PLCG1: variants seen among roughly 807,000 people sequenced by gnomAD.
The protein encoded by PLCG1 is phospholipase C gamma 1.
In PLCG1, 71 loss-of-function variants were observed where a neutral mutation model predicts 177.8. The ratio of observed to expected loss-of-function variants is 0.40; its 90% confidence interval spans 0.33 to 0.49. The LOEUF (loss-of-function observed/expected upper bound fraction) is 0.49, where lower values mean the gene tolerates loss of function less well. Among genes scored for constraint, PLCG1 ranks in the 20% least tolerant of loss-of-function variants. PLCG1 has a pLI of 0.72. For synonymous variants in PLCG1, 658 were observed against 647.9 expected, an observed-to-expected ratio of 1.02 and a Z score of -0.24; for missense variants, 1,281 against 1,709.0, an observed-to-expected ratio of 0.75 and a Z score of 4.42.
rs1056775001 is a variant in PLCG1 at position 41,148,503 on chromosome 20, G to A, written c.217+10645G>A. On this transcript the variant is annotated intron_variant, in intron 1 of 31. Coordinates refer to ENST00000685551, the MANE Select transcript of PLCG1 (RefSeq NM_002660.3). This position sits in a 1 kb window ranked among gnomAD's most constrained non-coding sequence, Gnocchi z 4.3. ...AGACAGGGCAGCAGAGAGAGACTTGGAGATATGCTGGGCTGTGGTCAGGAG... is the reference window on the plus strand; with the variant it reads ...AGACAGGGCAGCAGAGAGAGACTTGAAGATATGCTGGGCTGTGGTCAGGAG... 3.3e-5 allele frequency among the ~76,000 whole-genome samples: 5 copies of A among 152,050 alleles called. No homozygotes were observed. Among genetic ancestry groups the A allele is most frequent in the African/African-American group, 1.2e-4 (5 of 41,376 alleles).
At position 41,173,981 on chromosome 20, in the gene PLCG1, G is replaced by C. The variant is rs897774355; in HGVS notation, c.3615G>C (p.Leu1205=). The C allele has an allele frequency of 1.9e-6, 3 of 1,614,148 alleles. No homozygotes were observed. Among genetic ancestry groups the C allele is most frequent in the Non-Finnish European group, 2.5e-6 (3 of 1,180,010 alleles). ...GTGAGGACCTGGAGTTGGCCTCCCT[G>C]CTGATCAAGATTGACATTTTCCCTG... ...NYSEDLELAS[L]LIKIDIFPAK... The change falls in exon 30 of 32, where the codon CTG becomes CTC. Residue 1205 remains leucine, a synonymous_variant. Transcript: ENST00000685551. This position sits in a 1 kb window ranked among gnomAD's most constrained non-coding sequence, Gnocchi z 6.2.
chr20:41,150,140 TG>T lies in PLCG1; in HGVS notation c.218-9465del, dbSNP rs1440833960. Among the ~76,000 whole-genome samples, 1 of 152,066 alleles carries T rather than the reference TG, an allele frequency of 6.6e-6. No individual in the cohort carries two copies. The highest frequency in any genetic ancestry group is 1.9e-4 in the East Asian group (1 of 5,174). ...GGGAGGTAGAGGCTACAGTGAGCCC[TG>T]TTGGTGCCACTGCACTCCAGCCTGG... On this transcript the variant is annotated intron_variant, in intron 1 of 31. Coordinates refer to ENST00000685551, the MANE Select transcript of PLCG1 (RefSeq NM_002660.3). This position sits in a 1 kb window ranked among gnomAD's most constrained non-coding sequence, Gnocchi z 4.0.
Position 41,160,257 on chromosome 20 carries a change from A to G in PLCG1, c.512+104A>G, listed in dbSNP as rs1400659379. 1.3e-5 allele frequency: 13 copies of G among 1,038,750 alleles called. 1 individual carries two copies. The Admixed American group carries it at 2.3e-4, about 18-fold the overall frequency. The allele number at this position is 1,038,750 out of a possible 1,614,324, so 64.3% of individuals were successfully genotyped here. Reference sequence around the variant, plus strand: ...CCCGGAGAGCCAGAGGACCCAGGGGACCTTAAGTGGGGCCAGGAGGGTGGG... The same window carrying G: ...CCCGGAGAGCCAGAGGACCCAGGGGGCCTTAAGTGGGGCCAGGAGGGTGGG... On this transcript the variant is annotated intron_variant, in intron 4 of 31. Transcript: ENST00000685551. This position sits in a 1 kb window ranked among gnomAD's most constrained non-coding sequence, Gnocchi z 5.5.
rs1254860124 is a variant in PLCG1, at chr20:41,147,822, T to C, written c.217+9964T>C. 1.3e-5 allele frequency among the ~76,000 whole-genome samples: 2 copies of C among 151,556 alleles called. No homozygotes were observed. Among genetic ancestry groups the C allele is most frequent in the African/African-American group, 4.9e-5 (2 of 41,216 alleles). ...AAGATCGCGCCATTGCACTCCAGCC[T>C]GGGTGACAGAGCAAGACTCTGTCTC... On this transcript the variant is annotated intron_variant, in intron 1 of 31. Transcript: ENST00000685551. This position sits in a 1 kb window ranked among gnomAD's most constrained non-coding sequence, Gnocchi z 4.0.
rs1184010283 is a variant in PLCG1 at position 41,172,692 on chromosome 20, A to C, written c.3131-37A>C. The C allele has an allele frequency of 1.9e-6, 3 of 1,612,916 alleles. No homozygotes were observed. The Admixed American group carries it at 5.0e-5, about 27-fold the overall frequency. On this transcript the variant is annotated intron_variant, in intron 26 of 31. Transcript: ENST00000685551. This position sits in a 1 kb window ranked among gnomAD's most constrained non-coding sequence, Gnocchi z 7.0. ...AGGGTGAGGAGGGGCACTGTGGGGC[A>C]GCTGGACTGGAATACACCATAATCT...
In PLCG1 at chr20:41,165,568, G is replaced by A; in HGVS notation, c.1611+17G>A. The A allele has an allele frequency of 6.2e-7, 1 of 1,612,152 alleles. No homozygotes were observed. On this transcript the variant is annotated intron_variant, in intron 15 of 31. Coordinates refer to ENST00000685551, the MANE Select transcript of PLCG1 (RefSeq NM_002660.3). The surrounding 1 kb of genome is among the most constrained non-coding windows in gnomAD (Gnocchi z 6.6). ...CCCAAGGAGGTGAGGAACCAGCTCA[G>A]GTCTGGGGGCTGGGCCAGGTCAGGC...
At position 41,172,315 on chromosome 20, in the gene PLCG1, G is replaced by T. The variant is rs780896391; in HGVS notation, c.2905+26G>T. The T allele has an allele frequency of 2.5e-6, 4 of 1,591,672 alleles. No homozygotes were observed. The highest frequency in any genetic ancestry group is 3.4e-6 in the Non-Finnish European group (4 of 1,159,424). On this transcript the variant is annotated intron_variant, in intron 25 of 31. Coordinates refer to ENST00000685551, the MANE Select transcript of PLCG1 (RefSeq NM_002660.3). This position sits in a 1 kb window ranked among gnomAD's most constrained non-coding sequence, Gnocchi z 7.0. ...GTAAGGGCCAGGGCCCAGGCGGGGT[G>T]TGCATGTGCCTGGAGGGCCTGGTGG... is the stretch of plus-strand genomic sequence containing the variant.
In PLCG1 at chr20:41,139,882, A is replaced by C. The variant is rs35483314; in HGVS notation, c.217+2024A>C. ...GCAGGAAACAGTTTTGTTTTGCCCC[A>C]ACCCATGTGCCCACTCACCCACCCA... is the stretch of plus-strand genomic sequence containing the variant. On this transcript the variant is annotated intron_variant, in intron 1 of 31. Transcript: ENST00000685551. Among the ~76,000 whole-genome samples the C allele has an allele frequency of 5.5e-4, 84 of 152,318 alleles. 1 individual carries two copies. The East Asian group carries it at 9.4e-3, about 17-fold the overall frequency.
In PLCG1 at chr20:41,173,896, T is replaced by C. The variant is rs772643477; in HGVS notation, c.3557-27T>C. ...GCCCCTTGCTCTGTCCCTCGTGGGC[T>C]GAGGGCCAGGCTTTTCCTCCTCCTA... On this transcript the variant is annotated intron_variant, in intron 29 of 31. Coordinates refer to ENST00000685551, the MANE Select transcript of PLCG1 (RefSeq NM_002660.3). This position sits in a 1 kb window ranked among gnomAD's most constrained non-coding sequence, Gnocchi z 6.2. 1.2e-6 allele frequency: 2 copies of C among 1,611,018 alleles called. No individual in the cohort carries two copies. The highest frequency in any genetic ancestry group is 1.7e-6 in the Non-Finnish European group (2 of 1,177,178).
At position 41,163,732 on chromosome 20, in the gene PLCG1, C is replaced by T; in HGVS notation, c.909C>T (p.Phe303=). The change falls in exon 10 of 32, where the codon TTC becomes TTT. Residue 303 remains phenylalanine (F), a synonymous_variant. Coordinates refer to ENST00000685551, the MANE Select transcript of PLCG1 (RefSeq NM_002660.3). The surrounding 1 kb of genome is among the most constrained non-coding windows in gnomAD (Gnocchi z 5.2). Reference sequence around the variant, plus strand: ...CTGGACAGTTTGTCACCTTCCTGTTCTCCAAAGAGAACAGTGTGTGGAACT... The same window carrying T: ...CTGGACAGTTTGTCACCTTCCTGTTTTCCAAAGAGAACAGTGTGTGGAACT... ...FFLDEFVTFL[F]SKENSVWNSQ... The T allele has an allele frequency of 6.2e-7, 1 of 1,611,040 alleles. No homozygotes were observed. Among genetic ancestry groups the T allele is most frequent in the Non-Finnish European group, 8.5e-7 (1 of 1,177,186 alleles).
intron 1 of PLCG1, among the ~76,000 whole-genome samples, chr20:41,152,282 G>A (rs1239752093): frequency 1.3e-5 from 2 of 152,234 alleles, no homozygotes; most frequent in Admixed American, 1.3e-4. Context: ...CCAGCAGGGC[G>A]TGGGTGCTCG....
chr20:41,170,773 T>C (rs1474711761), intron 24 of PLCG1: 2 of 153,330 alleles, frequency 1.3e-5, no homozygotes, highest in East Asian at 3.9e-4. Flanking sequence ...CGATAAGAAC[T>C]TGCAAGTGCC....
Position 41,174,265 on chromosome 20 carries a change from A to G in PLCG1, c.3787A>G (p.Ile1263Val). 1 of 1,614,218 alleles carries G rather than the reference A, an allele frequency of 6.2e-7. No individual in the cohort carries two copies. Among genetic ancestry groups the G allele is most frequent in the Non-Finnish European group, 8.5e-7 (1 of 1,180,042 alleles). Residue 1263 changes from isoleucine (I) to valine (V), a missense_variant, in exon 31 of 32, where the codon ATC becomes GTC. By Grantham distance (29) the Ile-to-Val change is conservative. This residue lies in a region of PLCG1 where 153 missense variants were observed against 153.2 expected (regional missense o/e 1.00). Coordinates refer to ENST00000685551, the MANE Select transcript of PLCG1 (RefSeq NM_002660.3). This position sits in a 1 kb window ranked among gnomAD's most constrained non-coding sequence, Gnocchi z 5.8. Reference sequence around the variant, plus strand: ...CCAGCAGCCGTTTGAGGACTTCCGCATCTCCCAGGAGCATCTCGCAGACCA... The same window carrying G: ...CCAGCAGCCGTTTGAGGACTTCCGCGTCTCCCAGGAGCATCTCGCAGACCA... ...RYQQPFEDFR[I>V]SQEHLADHFD...
Position 41,162,670 on chromosome 20 carries a change from C to G in PLCG1, c.626C>G (p.Thr209Ser). Residue 209 changes from threonine to serine, a missense_variant, in exon 6 of 32, where the codon ACC (threonine) becomes AGC (serine). Around this residue, in one of 4 missense-constraint regions of PLCG1, gnomAD observed 374 missense variants for 443.8 expected, o/e 0.84. Transcript: ENST00000685551. ...CTGGAGCAGCGCAGCGGGGACATCA[C>G]CTACGGGCAGTTTGCTCAGCTGTAC... is the stretch of plus-strand genomic sequence containing the variant. ...TDLEQRSGDI[T>S]YGQFAQLYRS... 1 of 1,614,030 alleles carries G rather than the reference C, an allele frequency of 6.2e-7. No homozygotes were observed. Among genetic ancestry groups the G allele is most frequent in the Non-Finnish European group, 8.5e-7 (1 of 1,179,972 alleles).
intron 1 of PLCG1, among the ~76,000 whole-genome samples, chr20:41,138,422 G>A (rs2034686514): frequency 6.6e-6 from 1 of 152,170 alleles, no homozygotes; most frequent in Admixed American, 6.5e-5. Context: ...CTGGGGGAGA[G>A]GGAGGAAGGT....
In PLCG1 at chr20:41,167,648, A is replaced by G. The variant is rs1014796820; in HGVS notation, c.2302-204A>G. The G allele has an allele frequency of 1.7e-6, 1 of 582,200 alleles. No individual in the cohort carries two copies. 36.1% of individuals were successfully genotyped at this position (582,200 alleles called of 1,614,324 possible). A position where few individuals can be genotyped will look rare whatever the true frequency, so the allele number is the denominator to read the frequency against. On this transcript the variant is annotated intron_variant, in intron 19 of 31. Coordinates refer to ENST00000685551, the MANE Select transcript of PLCG1 (RefSeq NM_002660.3). The surrounding 1 kb of genome is among the most constrained non-coding windows in gnomAD (Gnocchi z 4.4). ...TTTAGAATCCTGGGCTGGGCCTTAC[A>G]TGTAAGAATGTGAAGAAAGGAAAGG...
Position 41,176,128 on chromosome 20 carries a change from CA to C in PLCG1, c.*1620del, listed in dbSNP as rs2036059512. The C allele has an allele frequency of 6.6e-6, 1 of 152,174 alleles. No homozygotes were observed. The highest frequency in any genetic ancestry group is 1.5e-5 in the Non-Finnish European group (1 of 68,036). The allele number at this position is 152,174 out of a possible 1,614,324, so 9.4% of individuals were successfully genotyped here. ...CTGAAATCTCTGGGCCCTTTCAACA[CA>C]GTTGAAAGGCCCTTCTCTTCCTGAA... On this transcript the variant is annotated 3_prime_UTR_variant, in exon 32 of 32. Transcript: ENST00000685551.
In PLCG1 at chr20:41,163,437, C is replaced by T. The variant is rs140259773; in HGVS notation, c.849C>T (p.Asp283=). ...AGTTCATGCTCAGCTTCCTCCGAGA[C>T]CCCTTACGAGAGATCGAGGAGCCAT... The part of the protein sequence containing the change: ...VQEFMLSFLR[D]PLREIEEPYF... Residue 283 remains aspartate, a synonymous_variant, in exon 9 of 32, where the codon GAC becomes GAT. Transcript: ENST00000685551. This position sits in a 1 kb window ranked among gnomAD's most constrained non-coding sequence, Gnocchi z 5.2. The T allele has an allele frequency of 6.8e-6, 11 of 1,612,736 alleles. No individual in the cohort carries two copies. Among genetic ancestry groups the T allele is most frequent in the Non-Finnish European group, 8.5e-6 (10 of 1,179,482 alleles).
At chr20:41,152,633 A>G (rs2035199923) in intron 1 of PLCG1, among the ~76,000 whole-genome samples, 1 of 152,180 alleles carries the variant, frequency 6.6e-6, no homozygotes, top group South Asian at 2.1e-4. Context: ...TCTAACTCCC[A>G]TGTGTTTACT....
Sources: gnomAD v4.1 joint callset for allele counts (sites outside exome capture counted in the v4.1 genomes callset) on GRCh38, gnomAD v4.1.1 for gene constraint, gnomAD v4.1.1 regional missense constraint, Gnocchi (gnomAD v3.1) non-coding constraint, MANE v1.5 for transcripts, NCBI Gene and HGNC (gene_info 2026-07-23, HGNC 2026-07-21) for gene names.